The following TMEM178B variants were observed in gnomAD, a reference collection of about 807,000 sequenced individuals.
TMEM178B encodes transmembrane protein 178B.
Under a neutral mutation model 31.0 loss-of-function variants are expected in TMEM178B, and 5 were observed. The ratio of observed to expected loss-of-function variants is 0.16; its 90% CI spans 0.08 to 0.34. The LOEUF (loss-of-function observed/expected upper bound fraction) is 0.34. Ranked by LOEUF, TMEM178B falls within the 10% of genes least tolerant of loss-of-function variation. The pLI is 1.00. For missense variants in TMEM178B, 275 were observed against 400.3 expected (o/e 0.69, Z 2.67); for synonymous variants, 164 against 164.0 (o/e 1.00, Z 0.00).
At chr7:141,449,560 C>T (rs1442651493) in intron 3 of TMEM178B, among the ~76,000 whole-genome samples, 4 of 152,164 alleles carry the variant, frequency 2.6e-5, no homozygotes, top group Non-Finnish European at 4.4e-5. Flanking sequence ...CAGGGCAAAC[C>T]GGACCAGACC....
chr7:141,469,747 A>C (rs1802205546), intron 3 of TMEM178B, among the ~76,000 whole-genome samples: 1 of 152,258 alleles, frequency 6.6e-6, no homozygotes, highest in Admixed American at 6.5e-5. Flanking sequence ...AAACCATTTT[A>C]TATCATTCTA....
chr7:141,113,804 GACA>G (rs1193957540), intron 1 of TMEM178B, among the ~76,000 whole-genome samples: 1 of 152,162 alleles, frequency 6.6e-6, no homozygotes, highest in Non-Finnish European at 1.5e-5. Flanking sequence ...TTGAGTTGAG[GACA>G]ACATTTTATT....
intron 2 of TMEM178B, among the ~76,000 whole-genome samples, chr7:141,261,811 T>G (rs1798018099): frequency 6.6e-6 from 1 of 152,178 alleles, no homozygotes; most frequent in Non-Finnish European, 1.5e-5. Flanking sequence ...AACCCCTGCA[T>G]GCATCTGTCT....
At position 141,479,836 on chromosome 7, in the gene TMEM178B, T is replaced by C. The variant is rs1802442115; in HGVS notation, c.*9050T>C. Reference sequence around the variant, plus strand: ...GCTTTCTGATTGGTCAGACAAGGAGTGGTGTGTACTGCAGGATTCTAACAA... The same window carrying C: ...GCTTTCTGATTGGTCAGACAAGGAGCGGTGTGTACTGCAGGATTCTAACAA... On this transcript the variant is annotated 3_prime_UTR_variant, in exon 4 of 4. Transcript: ENST00000565468. The C allele has an allele frequency of 6.6e-6, 1 of 152,082 alleles. No homozygotes were observed. Among genetic ancestry groups the C allele is most frequent in the South Asian group, 2.1e-4 (1 of 4,812 alleles). The allele number at this position is 152,082 out of a possible 1,614,324, so 9.4% of individuals were successfully genotyped here. A position where few individuals can be genotyped will look rare whatever the true frequency, so the allele number is the denominator to read the frequency against.
intron 1 of TMEM178B, among the ~76,000 whole-genome samples, chr7:141,122,304 A>G (rs1795422859): frequency 6.6e-6 from 1 of 152,290 alleles, no homozygotes; most frequent in Middle Eastern, 3.4e-3. Flanking sequence ...TCAAAAGGGG[A>G]AAAAAGCGGA....
the TMEM178B span, among the ~76,000 whole-genome samples, chr7:141,511,190 G>T: frequency 1.3e-5 from 2 of 151,386 alleles, no homozygotes; most frequent in African/African-American, 4.9e-5. Flanking sequence ...CCTGAGGAAA[G>T]AAACCTTCAA....
At chr7:141,217,351 G>A (rs766119793) in intron 2 of TMEM178B, among the ~76,000 whole-genome samples, 3 of 152,180 alleles carry the variant, frequency 2.0e-5, no homozygotes, top group Non-Finnish European at 2.9e-5. Context: ...GGGGGTCTGC[G>A]ACAGGACCTG....
intron 1 of TMEM178B, among the ~76,000 whole-genome samples, chr7:141,155,275 C>T (rs551673959): frequency 1.3e-5 from 2 of 152,184 alleles, no homozygotes; most frequent in Non-Finnish European, 2.9e-5. Flanking sequence ...ACTCATCATA[C>T]AGGGATGCAG....
intron 1 of TMEM178B, among the ~76,000 whole-genome samples, chr7:141,096,046 C>T (rs1794955640): frequency 1.3e-5 from 2 of 152,236 alleles, no homozygotes; most frequent in African/African-American, 2.4e-5. Flanking sequence ...GATGGCCTTG[C>T]CCATGGTATC....
chr7:141,140,047 CGAGCCACTGCACCCGGCCA>C lies in TMEM178B; in HGVS notation c.382+65359_382+65377del, dbSNP rs569624021. ...CCCCAGAGTGCTGGGATTACAGGCA[CGAGCCACTGCACCCGGCCA>C]GAGGTTCTTCTCCTTACTATAGCCT... On this transcript the variant is annotated intron_variant, in intron 1 of 3. Transcript: ENST00000565468. 1.8e-4 allele frequency among the ~76,000 whole-genome samples: 28 copies of C among 152,214 alleles called. No homozygotes were observed. The East Asian group carries it at 3.9e-3, about 21-fold the overall frequency.
In TMEM178B at chr7:141,455,975, T is replaced by A. The variant is rs1370050677; in HGVS notation, c.635-14561T>A. Among the ~76,000 whole-genome samples, 6 of 152,374 alleles carry A rather than the reference T, an allele frequency of 3.9e-5. No individual in the cohort carries two copies. The East Asian group carries it at 1.2e-3, about 29-fold the overall frequency. ...TAGGGCAGAAGCCGGAGAGATTTCA[T>A]TCAGGACACAATTTATTCCAGACAC... On this transcript the variant is annotated intron_variant, in intron 3 of 3. Coordinates refer to ENST00000565468, the MANE Select transcript of TMEM178B (RefSeq NM_001195278.2).
At chr7:141,363,847 G>A (rs1484150985) in intron 2 of TMEM178B, among the ~76,000 whole-genome samples, 1 of 151,450 alleles carries the variant, frequency 6.6e-6, no homozygotes, top group African/African-American at 2.4e-5. Flanking sequence ...CCGTGATTGC[G>A]CCACTGCACT....
chr7:141,193,773 C>A (rs1796735657), intron 1 of TMEM178B, among the ~76,000 whole-genome samples: 1 of 152,204 alleles, frequency 6.6e-6, no homozygotes, highest in South Asian at 2.1e-4. Flanking sequence ...CCAGGTCCTT[C>A]CCTGAATGCC....
At chr7:141,342,793 G>A (rs1418828898) in intron 2 of TMEM178B, among the ~76,000 whole-genome samples, 4 of 152,132 alleles carry the variant, frequency 2.6e-5, no homozygotes, top group East Asian at 1.9e-4. Context: ...ATCTCATGTC[G>A]AGTCAGGCTT....
intron 2 of TMEM178B, among the ~76,000 whole-genome samples, chr7:141,428,225 G>A (rs1192613154): frequency 6.6e-6 from 1 of 151,978 alleles, no homozygotes. Flanking sequence ...AAAATTAGCT[G>A]GGCATGGTGG....
chr7:141,176,629 T>C (rs779054766), intron 1 of TMEM178B, among the ~76,000 whole-genome samples: 1 of 152,196 alleles, frequency 6.6e-6, no homozygotes, highest in South Asian at 2.1e-4. Flanking sequence ...GCTGCCTCAA[T>C]TTCAGAACTT....
chr7:141,446,152 A>G (rs1445868948), intron 3 of TMEM178B, among the ~76,000 whole-genome samples: 1 of 152,092 alleles, frequency 6.6e-6, no homozygotes, highest in Non-Finnish European at 1.5e-5. Flanking sequence ...GCCAGGATGC[A>G]CCACTTCAGT....
At chr7:141,338,799 C>T (rs768927498) in intron 2 of TMEM178B, among the ~76,000 whole-genome samples, 3 of 152,204 alleles carry the variant, frequency 2.0e-5, no homozygotes, top group Non-Finnish European at 4.4e-5. Context: ...GTCAAAACCA[C>T]TTCAAGCTGG....
rs993291497 is a variant in TMEM178B at position 141,344,260 on chromosome 7, G to A, written c.497-93348G>A. On this transcript the variant is annotated intron_variant, in intron 2 of 3. Coordinates refer to ENST00000565468, the MANE Select transcript of TMEM178B (RefSeq NM_001195278.2). The surrounding 1 kb of genome is among the most constrained non-coding windows in gnomAD (Gnocchi z 4.1). Reference sequence around the variant, plus strand: ...AAGGTTTTATGAGTCCCATTTTAAAGATCAGAACAGTGAGGATTAGAGTGA... The same window carrying A: ...AAGGTTTTATGAGTCCCATTTTAAAAATCAGAACAGTGAGGATTAGAGTGA... 2.6e-5 allele frequency among the ~76,000 whole-genome samples: 4 copies of A among 152,124 alleles called. No individual in the cohort carries two copies. The highest frequency in any genetic ancestry group is 7.2e-5 in the African/African-American group (3 of 41,438).
Sources: allele counts gnomAD v4.1 joint callset (sites outside exome capture counted in the v4.1 genomes callset), GRCh38; gene constraint gnomAD v4.1.1; non-coding constraint Gnocchi (gnomAD v3.1); transcripts MANE v1.5; gene names NCBI Gene and HGNC (gene_info 2026-07-23, HGNC 2026-07-21).